UBR3: variants seen among roughly 807,000 people sequenced by gnomAD.
UBR3 encodes E3 ubiquitin-protein ligase UBR3.
In UBR3, 85 loss-of-function variants were observed where a neutral mutation model predicts 243.2. The observed-to-expected ratio is 0.35, with a 90% CI of 0.29 to 0.42. The LOEUF (loss-of-function observed/expected upper bound fraction) is 0.42, where lower values mean the gene tolerates loss of function less well. UBR3 is among the 10% of genes least tolerant of loss of function. The pLI, the probability that UBR3 is intolerant of heterozygous loss-of-function variation, is 1.00. For missense variants in UBR3, 1,686 were observed against 2,300.8 expected, an observed-to-expected ratio of 0.73 and a Z score of 5.47; for synonymous variants, 748 against 799.8, an observed-to-expected ratio of 0.94 and a Z score of 1.09.
At chr2:170,055,625 A>G in intron 33 of UBR3, 41 bp downstream of exon 33, 1 of 1,607,092 alleles carries the variant, frequency 6.2e-7, no homozygotes. Flanking sequence ...AGGTAGGTGA[A>G]GTCATTTAAG....
chr2:169,891,617 C>CACACACAG (rs1553504896), intron 6 of UBR3, among the ~76,000 whole-genome samples: 1 of 151,106 alleles, frequency 6.6e-6, no homozygotes, highest in African/African-American at 2.4e-5. Flanking sequence ...GACAGAGACA[C>CACACACAG]ACACACACAC....
chr2:169,890,972 AT>A lies in UBR3; in HGVS notation c.1039-190del, dbSNP rs1428980343. On this transcript the variant is annotated intron_variant, in intron 5 of 38. Transcript: ENST00000272793. Reference sequence around the variant, plus strand: ...CATTTAAGAGCTCTTGTGTTTTGATATTTAGGGATATTTCACTGTATTTTAA... The same window carrying A: ...CATTTAAGAGCTCTTGTGTTTTGATATTAGGGATATTTCACTGTATTTTAA... Among the ~76,000 whole-genome samples the A allele has an allele frequency of 1.7e-4, 25 of 144,656 alleles. No homozygotes were observed. In the East Asian group the frequency reaches 4.8e-3, roughly 28 times the overall value. The allele number at this position is 144,656 out of a possible 152,430, so 94.9% of individuals were successfully genotyped here. A position where few individuals can be genotyped will look rare whatever the true frequency, so the allele number is the denominator to read the frequency against.
At chr2:169,977,144 A>G (rs2088486219) in intron 24 of UBR3, among the ~76,000 whole-genome samples, 1 of 152,094 alleles carries the variant, frequency 6.6e-6, no homozygotes, top group Admixed American at 6.6e-5. Flanking sequence ...CTATTGAATT[A>G]TATATCTGTA....
Position 169,890,555 on chromosome 2 carries a change from A to ATATATG in UBR3, c.1039-605_1039-604insGTATAT, listed in dbSNP as rs2084311229. ...GAGAGAGAGAGATATATATATATAT[A>ATATATG]TATATATATGTGTATATATATATAT... On this transcript the variant is annotated intron_variant, in intron 5 of 38. Transcript: ENST00000272793. 1.1e-4 allele frequency among the ~76,000 whole-genome samples: 8 copies of ATATATG among 71,442 alleles called. 3 individuals are homozygous for ATATATG. The highest frequency in any genetic ancestry group is 1.2e-3 in the South Asian group (2 of 1,638). The allele number at this position is 71,442 out of a possible 152,430, so 46.9% of individuals were successfully genotyped here. A position where few individuals can be genotyped will look rare whatever the true frequency, so the allele number is the denominator to read the frequency against.
At chr2:169,880,623 C>T (rs143698024) in intron 5 of UBR3, among the ~76,000 whole-genome samples, 7 of 152,058 alleles carry the variant, frequency 4.6e-5, no homozygotes, top group East Asian at 3.9e-4. Flanking sequence ...TGTGTGTGCA[C>T]GTGTGTGTGT....
intron 29 of UBR3, among the ~76,000 whole-genome samples, chr2:170,010,268 A>G (rs1033834012): frequency 1.3e-5 from 2 of 152,214 alleles, no homozygotes; most frequent in Admixed American, 6.5e-5. Context: ...AAGGTTTTAC[A>G]GAACTTCCAT....
At chr2:169,918,516 C>G (rs1048492587) in intron 11 of UBR3, among the ~76,000 whole-genome samples, 6 of 146,772 alleles carry the variant, frequency 4.1e-5, no homozygotes, top group African/African-American at 1.5e-4. Context: ...AAGACAGGGT[C>G]TCGCCATCTT....
intron 1 of UBR3, among the ~76,000 whole-genome samples, chr2:169,845,437 G>A (rs1050755408): frequency 2.1e-5 from 3 of 143,196 alleles, no homozygotes; most frequent in Admixed American, 7.1e-5. Flanking sequence ...AAAAAAAAAA[G>A]AAATTTTGAG....
chr2:169,875,082 T>C (rs1192304777), intron 2 of UBR3, among the ~76,000 whole-genome samples: 1 of 152,144 alleles, frequency 6.6e-6, no homozygotes, highest in East Asian at 1.9e-4. Flanking sequence ...TATCTTTCAC[T>C]TTAGTTGCTT....
intron 32 of UBR3, among the ~76,000 whole-genome samples, chr2:170,053,446 G>A (rs1326854014): frequency 1.3e-5 from 2 of 152,212 alleles, no homozygotes; most frequent in Non-Finnish European, 2.9e-5. Flanking sequence ...TCTACTGGAA[G>A]AAGACTCTGG....
chr2:170,018,044 A>G (rs1349193189), intron 30 of UBR3, among the ~76,000 whole-genome samples: 1 of 152,162 alleles, frequency 6.6e-6, no homozygotes, highest in African/African-American at 2.4e-5. Context: ...ACTCTAATTC[A>G]GTTATATAAG....
chr2:169,936,205 A>T (rs533947349), intron 19 of UBR3, among the ~76,000 whole-genome samples: 38 of 151,988 alleles, frequency 2.5e-4, no homozygotes, highest in Non-Finnish European at 5.1e-4. Flanking sequence ...GATTACAGGC[A>T]TGCGCTACCA....
chr2:169,882,388 A>G (rs1296201453), intron 5 of UBR3, among the ~76,000 whole-genome samples: 2 of 143,408 alleles, frequency 1.4e-5, no homozygotes, highest in Non-Finnish European at 3.0e-5. Flanking sequence ...TTATATATAA[A>G]AATATATATA....
chr2:170,078,320 G>A (rs922935972), intron 36 of UBR3: 5 of 268,980 alleles, frequency 1.9e-5, no homozygotes, highest in Non-Finnish European at 3.6e-5. Context: ...CCTGGGGTGC[G>A]AAAATGCTCT....
chr2:169,948,783 A>G (rs1026808482), intron 22 of UBR3, among the ~76,000 whole-genome samples: 2 of 152,042 alleles, frequency 1.3e-5, no homozygotes, highest in African/African-American at 4.8e-5. Context: ...GCTCGCTTTT[A>G]AAAAATAAAT....
chr2:169,833,387 A>G (rs1269650565), intron 1 of UBR3, among the ~76,000 whole-genome samples: 6 of 152,270 alleles, frequency 3.9e-5, no homozygotes, highest in Non-Finnish European at 8.8e-5. Flanking sequence ...TCTTCCTCAC[A>G]TATTCTAAGC....
intron 5 of UBR3, among the ~76,000 whole-genome samples, chr2:169,890,569 A>G (rs867826904): frequency 0.016 from 1,630 of 101,228 alleles, 144 homozygotes; most frequent in African/African-American, 0.036. Flanking sequence ...ATATATGTGT[A>G]TATATATATA....
At chr2:169,908,821 C>CTTTTTTTTTT (rs11388865) in intron 10 of UBR3, among the ~76,000 whole-genome samples, 1 of 124,060 alleles carries the variant, frequency 8.1e-6, no homozygotes, top group African/African-American at 3.0e-5. Context: ...GTGATTGGTC[C>CTTTTTTTTTT]TTTTTTTTTT....
At chr2:169,865,591 G>A (rs181888801) in intron 1 of UBR3, among the ~76,000 whole-genome samples, 110 of 152,186 alleles carry the variant, frequency 7.2e-4, no homozygotes, top group African/African-American at 2.5e-3. Flanking sequence ...GTTGCTCTTT[G>A]GAATTGGTTT....
Sources: allele counts gnomAD v4.1 joint callset (sites outside exome capture counted in the v4.1 genomes callset), GRCh38; gene constraint gnomAD v4.1.1; transcripts MANE v1.5; gene names NCBI Gene and HGNC (gene_info 2026-07-23, HGNC 2026-07-21).